The following FANCA variants were observed in gnomAD, a reference collection of about 807,000 sequenced individuals.
FANCA encodes the protein FA complementation group A.
FANCA carries 236 observed loss-of-function variants against 194.3 expected under a neutral mutation model. The ratio of observed to expected loss-of-function variants is 1.21; its 90% CI spans 1.09 to 1.35. The LOEUF (loss-of-function observed/expected upper bound fraction) is 1.35. Ranked by LOEUF, FANCA falls within the 40% of genes most tolerant of loss-of-function variation. FANCA has a pLI of 0.00. For missense variants in FANCA, 2,628 were observed against 1,813.9 expected, an observed-to-expected ratio of 1.45 and a Z score of -8.15; for synonymous variants, 1,014 against 715.8, an observed-to-expected ratio of 1.42 and a Z score of -6.65.
chr16:89,792,427 C>G, intron 12 of FANCA, 44 bp downstream of exon 12: 1 of 1,583,476 alleles, frequency 6.3e-7, no homozygotes, highest in Non-Finnish European at 8.7e-7. Flanking sequence ...TCTTAATCCC[C>G]CCGCCACGAG....
rs549557454 is a variant in FANCA, at chr16:89,762,726, G to C, written c.2779-704C>G. ...TAGCTCGCTGCAGACTCTGCCTCCT[G>C]AACTCCAGAATTCTCCCCCTCAGCC... On this transcript the variant is annotated intron_variant, in intron 28 of 42. Transcript: ENST00000389301. 5.0e-4 allele frequency: 223 copies of C among 450,494 alleles called. 1 individual carries two copies. Among genetic ancestry groups the C allele is most frequent in the African/African-American group, 4.0e-3 (202 of 49,900 alleles). The allele number at this position is 450,494 out of a possible 1,614,324, so 27.9% of individuals were successfully genotyped here.
intron 17 of FANCA, 119 bp downstream of exon 17, chr16:89,782,740 G>C: frequency 1.1e-6 from 1 of 895,144 alleles, no homozygotes; most frequent in Non-Finnish European, 1.8e-6. Flanking sequence ...CTGCGCCCGA[G>C]GCAAGACCAG....
chr16:89,816,555 C>A lies in FANCA; in HGVS notation c.61G>T (p.Ala21Ser). The A allele has an allele frequency of 6.6e-7, 1 of 1,510,358 alleles. No homozygotes were observed. The highest frequency in any genetic ancestry group is 8.8e-7 in the Non-Finnish European group (1 of 1,137,012). 93.6% of individuals were successfully genotyped at this position (1,510,358 alleles called of 1,614,324 possible). Residue 21 changes from alanine to serine, a missense_variant, in exon 1 of 43, where the codon GCC becomes TCC. Transcript: ENST00000389301. ...CACCTACCCAGCAGCTCGGCCCAGG[C>A]CCTCCGGCGGCCCCCTGGGTCCTGG... ...SGQDPGGRRR[A>S]WAELLAGRVK...
rs7202331 is a variant in FANCA, at chr16:89,808,078, G to A, written c.596+216C>T. Among the ~76,000 whole-genome samples the A allele has an allele frequency of 0.96, 144,542 of 150,484 alleles. 69,300 individuals carry two copies. Among genetic ancestry groups the A allele is most frequent in the East Asian group, 1 (5,175 of 5,176 alleles). On this transcript the variant is annotated intron_variant, in intron 6 of 42. Transcript: ENST00000389301. ...GTCTCAAAAAAAAAACAGACAAAAA[G>A]CAAACAAAACCAAAACACCATAAAC... is the stretch of plus-strand genomic sequence containing the variant.
chr16:89,796,695 A>G (rs1003818868), intron 10 of FANCA, among the ~76,000 whole-genome samples: 1 of 152,178 alleles, frequency 6.6e-6, no homozygotes. Flanking sequence ...TGCAACCAGC[A>G]AGCGGCACTT....
chr16:89,759,261 A>G (rs2038862849), intron 29 of FANCA, among the ~76,000 whole-genome samples: 1 of 133,588 alleles, frequency 7.5e-6, no homozygotes, highest in Admixed American at 8.6e-5. Context: ...TGGAGCTTGC[A>G]GTGAGCTGAG....
intron 31 of FANCA, among the ~76,000 whole-genome samples, 199 bp from the exon 32 acceptor site, chr16:89,750,101 G>A (rs551385605): frequency 9.9e-5 from 15 of 152,190 alleles, no homozygotes; most frequent in Non-Finnish European, 4.4e-5. Flanking sequence ...TGTGGCTCAC[G>A]TCTGTAATGC....
intron 21 of FANCA, among the ~76,000 whole-genome samples, chr16:89,774,638 G>A (rs1329295642): frequency 6.7e-6 from 1 of 148,702 alleles, no homozygotes; most frequent in Non-Finnish European, 1.5e-5. Flanking sequence ...GCTGAGGCAG[G>A]AGAATGGCAT....
intron 14 of FANCA, among the ~76,000 whole-genome samples, chr16:89,789,782 T>C (rs547039665): frequency 6.9e-6 from 1 of 145,872 alleles, no homozygotes; most frequent in East Asian, 1.9e-4. Flanking sequence ...AAATGGAAAC[T>C]TTACTCACAA....
chr16:89,745,452 C>T (rs1434329125), intron 35 of FANCA, among the ~76,000 whole-genome samples: 1 of 146,424 alleles, frequency 6.8e-6, no homozygotes, highest in Non-Finnish European at 1.5e-5. Flanking sequence ...CCACACTCCT[C>T]TGAGCTGGGA....
Position 89,745,026 on chromosome 16 carries a change from T to TC in FANCA, c.3558dup (p.Arg1187GlufsTer28), listed in dbSNP as rs747851434. 53 of 1,610,312 alleles carry TC rather than the reference T, an allele frequency of 3.3e-5. No individual in the cohort carries two copies. Among genetic ancestry groups the TC allele is most frequent in the Non-Finnish European group, 4.4e-5 (52 of 1,179,820 alleles). On this transcript the variant is annotated frameshift_variant, in exon 36 of 43. Coordinates refer to ENST00000389301, the MANE Select transcript of FANCA (RefSeq NM_000135.4). LOFTEE classifies it high-confidence loss of function. Reference sequence around the variant, plus strand: ...CGGGGCAGCGGGCTCTGGCAGTGTCTCCTCCACCGGCAGAGCAGCACAGGC... The same window carrying TC: ...CGGGGCAGCGGGCTCTGGCAGTGTCTCCCTCCACCGGCAGAGCAGCACAGGC...
chr16:89,754,411 G>T (rs1433175482), intron 30 of FANCA, among the ~76,000 whole-genome samples: 1 of 151,872 alleles, frequency 6.6e-6, no homozygotes. Flanking sequence ...CACTCTTGTC[G>T]CCCAGGCTGG....
intron 21 of FANCA, among the ~76,000 whole-genome samples, chr16:89,774,598 C>T (rs539100141): frequency 4.0e-5 from 6 of 151,720 alleles, no homozygotes; most frequent in Non-Finnish European, 8.8e-5. Context: ...GGTGTGGTGG[C>T]GGGCGCCTGT....
chr16:89,788,463 A>C (rs1389703350), intron 14 of FANCA, among the ~76,000 whole-genome samples: 1 of 151,750 alleles, frequency 6.6e-6, no homozygotes, highest in African/African-American at 2.4e-5. Context: ...TAACAAAAAC[A>C]GATGTTCAAA....
chr16:89,789,038 C>T (rs975377520), intron 14 of FANCA, among the ~76,000 whole-genome samples: 5 of 151,882 alleles, frequency 3.3e-5, no homozygotes, highest in African/African-American at 9.7e-5. Flanking sequence ...CTCGGGGAGA[C>T]CCATCAACTC....
rs149682305 is a variant in FANCA, at chr16:89,773,883, C to T, written c.1901-499G>A. On this transcript the variant is annotated intron_variant, in intron 21 of 42. Coordinates refer to ENST00000389301, the MANE Select transcript of FANCA (RefSeq NM_000135.4). ...CGCCTCCCGGGTTCAAATCATCCTG[C>T]CTCAGCCTCCCGAGTAGCTGGGACT... Among the ~76,000 whole-genome samples, 229 of 151,808 alleles carry T rather than the reference C, an allele frequency of 1.5e-3. 2 individuals carry two copies. The highest frequency in any genetic ancestry group is 5.2e-3 in the African/African-American group (214 of 41,382).
At chr16:89,784,591 G>C (rs2039834219) in intron 15 of FANCA, among the ~76,000 whole-genome samples, 1 of 152,072 alleles carries the variant, frequency 6.6e-6, no homozygotes, top group African/African-American at 2.4e-5. Context: ...CCACCTCCTT[G>C]GCCTAGGTGA....
intron 14 of FANCA, among the ~76,000 whole-genome samples, chr16:89,786,087 G>C (rs1261002582): frequency 2.7e-5 from 4 of 145,568 alleles, no homozygotes; most frequent in Admixed American, 1.4e-4. Context: ...GGTGCAATCA[G>C]GGCTCACTGC....
chr16:89,792,760 G>C, intron 11 of FANCA: 3 of 506,044 alleles, frequency 5.9e-6, no homozygotes, highest in African/African-American at 1.9e-5. Context: ...TAGTGGCCCT[G>C]AATGTCTGGT....
Sources: gnomAD v4.1 joint callset for allele counts (sites outside exome capture counted in the v4.1 genomes callset) on GRCh38, gnomAD v4.1.1 for gene constraint, MANE v1.5 for transcripts, NCBI Gene and HGNC (gene_info 2026-07-23, HGNC 2026-07-21) for gene names.